The following PAMR1 variants were observed in gnomAD, a reference collection of about 807,000 sequenced individuals.
The protein encoded by PAMR1 is inactive serine protease PAMR1.
A neutral mutation model predicts 81.8 loss-of-function variants in PAMR1; 88 were observed. The observed-to-expected ratio is 1.08, with a 90% confidence interval of 0.91 to 1.28. The LOEUF (loss-of-function observed/expected upper bound fraction) is 1.28. Ranked by LOEUF, PAMR1 falls within the 50% of genes most tolerant of loss-of-function variation. PAMR1 has a pLI of 0.00. For synonymous variants in PAMR1, 336 were observed against 345.3 expected (o/e 0.97, Z 0.30); for missense variants, 935 against 919.7 (o/e 1.02, Z -0.21).
chr11:35,493,633 A>G (rs1850668979), intron 2 of PAMR1, among the ~76,000 whole-genome samples: 1 of 151,800 alleles, frequency 6.6e-6, no homozygotes, highest in Non-Finnish European at 1.5e-5. Context: ...CATGCTCACC[A>G]CCTTCTCTAG....
Position 35,432,606 on chromosome 11 carries a change from C to G in PAMR1, c.1913G>C (p.Gly638Ala), listed in dbSNP as rs1287987081. ...GTTATCAGTGACACTCACTGGGATG[C>G]CATGGTCCTCATGCTGCTCCTCACA... ...LLCEEQHEDH[G>A]IPVSVTDNMF... Residue 638 changes from glycine (G) to alanine (A), a missense_variant, in exon 11 of 11, where the codon GGC becomes GCC. Physicochemically the swap from Gly to Ala is moderately conservative, Grantham distance 60. Transcript: ENST00000619888. The G allele has an allele frequency of 6.2e-7, 1 of 1,614,088 alleles. No homozygotes were observed. Among genetic ancestry groups the G allele is most frequent in the East Asian group, 2.2e-5 (1 of 44,884 alleles).
In PAMR1 at chr11:35,468,077, G is replaced by A. The variant is rs1196981352; in HGVS notation, c.744C>T (p.Gly248=). The A allele has an allele frequency of 1.3e-6, 2 of 1,555,960 alleles. No homozygotes were observed. The highest frequency in any genetic ancestry group is 1.7e-6 in the Non-Finnish European group (2 of 1,148,588). ...ACSSSPCFHD[G]TCVLDKAGSY... ...ATCCAGCCTTGTCAAGGACGCACGT[G>A]CCGTCATGGAAACAAGGGGATGAGG... Residue 248 remains glycine (G), a synonymous_variant, in exon 6 of 11, where the codon GGC becomes GGT. Transcript: ENST00000619888.
intron 6 of PAMR1, among the ~76,000 whole-genome samples, chr11:35,461,193 A>T (rs573318989): frequency 1.3e-5 from 2 of 152,364 alleles, no homozygotes; most frequent in East Asian, 3.9e-4. Flanking sequence ...CAGTGACCTC[A>T]TCTGCCAAAG....
intron 5 of PAMR1, 33 bp downstream of exon 5, chr11:35,470,568 A>G (rs1337740558): frequency 1.9e-6 from 3 of 1,539,282 alleles, no homozygotes; most frequent in African/African-American, 1.4e-5. Context: ...GGAGCAAGCC[A>G]TAAAATGCCA....
upstream of PAMR1, among the ~76,000 whole-genome samples, chr11:35,529,132 T>A (rs117573867): frequency 2.0e-4 from 30 of 152,336 alleles, no homozygotes; most frequent in East Asian, 5.0e-3. Flanking sequence ...TTGATAGAGT[T>A]TAGTATTGTT....
intron 6 of PAMR1, among the ~76,000 whole-genome samples, chr11:35,446,630 C>T (rs183115386): frequency 2.6e-5 from 4 of 152,254 alleles, no homozygotes; most frequent in African/African-American, 7.2e-5. Context: ...GTTCAATTTC[C>T]ATATAATTGT....
intron 1 of PAMR1, among the ~76,000 whole-genome samples, chr11:35,512,226 C>T (rs555538889): frequency 6.6e-5 from 10 of 152,340 alleles, no homozygotes; most frequent in Admixed American, 6.5e-5. Context: ...ATTAAGCACA[C>T]TGTCTCACAC....
intron 10 of PAMR1, among the ~76,000 whole-genome samples, chr11:35,433,324 C>T (rs1805771260): frequency 2.0e-5 from 3 of 152,194 alleles, no homozygotes; most frequent in Admixed American, 2.0e-4. Context: ...GGCACAAACC[C>T]TCACAGGCTA....
intron 3 of PAMR1, among the ~76,000 whole-genome samples, chr11:35,476,458 C>T (rs1402573146): frequency 6.6e-6 from 1 of 152,132 alleles, no homozygotes; most frequent in African/African-American, 2.4e-5. Flanking sequence ...GGGTTTTCCA[C>T]CTTCGCTTGG....
chr11:35,460,647 C>T (rs1490811685), intron 6 of PAMR1, among the ~76,000 whole-genome samples: 1 of 152,080 alleles, frequency 6.6e-6, no homozygotes, highest in Non-Finnish European at 1.5e-5. Context: ...CTACAAAGGA[C>T]ATGAACTCAT....
At chr11:35,461,225 C>T (rs1223176073) in intron 6 of PAMR1, among the ~76,000 whole-genome samples, 1 of 152,202 alleles carries the variant, frequency 6.6e-6, no homozygotes, top group Non-Finnish European at 1.5e-5. Flanking sequence ...AGGCCCTTGG[C>T]AAGAAGCAGA....
intron 6 of PAMR1, among the ~76,000 whole-genome samples, chr11:35,444,844 A>C (rs567869627): frequency 6.6e-6 from 1 of 152,304 alleles, no homozygotes; most frequent in Admixed American, 6.5e-5. Context: ...TTTCCTTGTG[A>C]ATTTTAAAAT....
intron 1 of PAMR1, among the ~76,000 whole-genome samples, chr11:35,505,254 G>C (rs583220): frequency 0.31 from 47,534 of 151,874 alleles, 7,519 homozygotes; most frequent in African/African-American, 0.37. Context: ...TTTGTTGAGA[G>C]TTGCTTTATG....
upstream of PAMR1, chr11:35,525,888 T>C: frequency 2.1e-6 from 1 of 474,748 alleles, no homozygotes. Context: ...CCAGCCTGGG[T>C]ACAGGTGGGG....
At chr11:35,506,413 G>A (rs1444625193) in intron 1 of PAMR1, among the ~76,000 whole-genome samples, 1 of 131,644 alleles carries the variant, frequency 7.6e-6, no homozygotes, top group African/African-American at 2.8e-5. Flanking sequence ...GCATGTTAGT[G>A]TTTTTTTTTT....
chr11:35,520,321 C>G (rs1851247836), intron 1 of PAMR1, among the ~76,000 whole-genome samples: 1 of 152,222 alleles, frequency 6.6e-6, no homozygotes, highest in Non-Finnish European at 1.5e-5. Flanking sequence ...CACACTGATT[C>G]AGAGATTAAT....
chr11:35,501,725 AC>A (rs1850848383), intron 1 of PAMR1, among the ~76,000 whole-genome samples: 1 of 152,124 alleles, frequency 6.6e-6, no homozygotes, highest in African/African-American at 2.4e-5. Flanking sequence ...TAACATGATA[AC>A]CTTCAGTTCT....
intron 3 of PAMR1, among the ~76,000 whole-genome samples, chr11:35,479,262 G>A (rs1850338488): frequency 6.6e-6 from 1 of 152,162 alleles, no homozygotes; most frequent in Admixed American, 6.5e-5. Context: ...AGATGACACA[G>A]TCTGTGATGC....
intron 1 of PAMR1, among the ~76,000 whole-genome samples, chr11:35,511,420 CA>C (rs2135418688): frequency 6.6e-6 from 1 of 152,338 alleles, no homozygotes; most frequent in East Asian, 1.9e-4. Flanking sequence ...TGTACAAACA[CA>C]AGGGTCAGGC....
Sources: gnomAD v4.1 joint callset for allele counts (sites outside exome capture counted in the v4.1 genomes callset) on GRCh38, gnomAD v4.1.1 for gene constraint, MANE v1.5 for transcripts, NCBI Gene and HGNC (gene_info 2026-07-23, HGNC 2026-07-21) for gene names.